C8A: variants seen among roughly 807,000 people sequenced by gnomAD.
The protein encoded by C8A is complement C8 alpha chain, also known as complement component C8 alpha chain.
In C8A, 67 loss-of-function variants were observed where a neutral mutation model predicts 65.3. That is an observed-to-expected ratio of 1.03 (90% CI 0.84 to 1.26). The LOEUF (loss-of-function observed/expected upper bound fraction) is 1.26. Ranked by LOEUF, C8A falls within the 50% of genes most tolerant of loss-of-function variation. C8A has a pLI of 0.00. For synonymous variants in C8A, 290 were observed against 259.4 expected (o/e 1.12, Z -1.13); for missense variants, 781 against 723.9 (o/e 1.08, Z -0.90).
At chr1:56,896,177 C>T (rs1191255915) in intron 7 of C8A, among the ~76,000 whole-genome samples, 2 of 152,024 alleles carry the variant, frequency 1.3e-5, no homozygotes, top group Admixed American at 6.6e-5. Context: ...ACAAACAGAA[C>T]TAATAGAATA....
At chr1:56,890,026 C>T (rs984762144) in intron 7 of C8A, among the ~76,000 whole-genome samples, 1 of 152,132 alleles carries the variant, frequency 6.6e-6, no homozygotes, top group East Asian at 1.9e-4. Flanking sequence ...TTCTTTGGAG[C>T]TGTCATTATT....
chr1:56,879,296 C>T (rs1644228723), intron 4 of C8A, among the ~76,000 whole-genome samples: 1 of 152,144 alleles, frequency 6.6e-6, no homozygotes, highest in African/African-American at 2.4e-5. Flanking sequence ...CTGCAATGAA[C>T]ATTCTTGTAC....
intron 7 of C8A, among the ~76,000 whole-genome samples, chr1:56,891,505 G>C (rs1644345034): frequency 6.6e-6 from 1 of 152,134 alleles, no homozygotes; most frequent in Non-Finnish European, 1.5e-5. Flanking sequence ...GTAGAACACA[G>C]ATTAGAGGAG....
chr1:56,907,632 G>C (rs538190773), intron 8 of C8A, among the ~76,000 whole-genome samples: 2 of 152,266 alleles, frequency 1.3e-5, no homozygotes, highest in South Asian at 4.1e-4. Context: ...TCGGCATATA[G>C]CAGGCACTGA....
Position 56,898,390 on chromosome 1 carries a change from C to T in C8A, c.1097-8277C>T, listed in dbSNP as rs186146328. ...CAGCATTTCAGTGAGCATGCACAGACCTCCAGCTCATTGTTCACCATTGGG... is the reference window on the plus strand; with the variant it reads ...CAGCATTTCAGTGAGCATGCACAGATCTCCAGCTCATTGTTCACCATTGGG... On this transcript the variant is annotated intron_variant, in intron 7 of 10. Coordinates refer to ENST00000361249, the MANE Select transcript of C8A (RefSeq NM_000562.3). 1.7e-3 allele frequency among the ~76,000 whole-genome samples: 255 copies of T among 152,230 alleles called. 1 individual carries two copies. The highest frequency in any genetic ancestry group is 3.4e-3 in the Middle Eastern group (1 of 294).
At chr1:56,858,864 C>A (rs1644002890) in intron 1 of C8A, among the ~76,000 whole-genome samples, 1 of 152,210 alleles carries the variant, frequency 6.6e-6, no homozygotes, top group African/African-American at 2.4e-5. Context: ...CCTGGCATCA[C>A]CACGTAGTGG....
At chr1:56,877,980 C>T (rs554133261) in intron 4 of C8A, among the ~76,000 whole-genome samples, 18 of 152,298 alleles carry the variant, frequency 1.2e-4, no homozygotes, top group Non-Finnish European at 2.5e-4. Context: ...TAACAAAACA[C>T]CACATCCTGA....
chr1:56,888,498 G>T (rs1644318722), intron 7 of C8A, among the ~76,000 whole-genome samples: 1 of 152,006 alleles, frequency 6.6e-6, no homozygotes, highest in South Asian at 2.1e-4. Context: ...AATGTATATG[G>T]ATCACAAGAA....
chr1:56,899,272 C>T (rs1323694250), intron 7 of C8A, among the ~76,000 whole-genome samples: 1 of 152,160 alleles, frequency 6.6e-6, no homozygotes, highest in Non-Finnish European at 1.5e-5. Flanking sequence ...AGGAGAAAAG[C>T]TGAGATGGTG....
At chr1:56,860,614 T>G (rs945194566) in intron 1 of C8A, among the ~76,000 whole-genome samples, 4 of 151,758 alleles carry the variant, frequency 2.6e-5, no homozygotes, top group Non-Finnish European at 5.9e-5. Context: ...AAAGAGAAAA[T>G]GAAGAGTTTA....
Position 56,904,172 on chromosome 1 carries a change from C to A in C8A, c.1097-2495C>A, listed in dbSNP as rs150279442. On this transcript the variant is annotated intron_variant, in intron 7 of 10. Transcript: ENST00000361249. ...TTATCTCTCTGGTTCTGCGTCCTGG[C>A]TTCCAATGCCAGTTTCAACTCCTGG... Among the ~76,000 whole-genome samples the A allele has an allele frequency of 9.2e-3, 1,408 of 152,298 alleles. 6 individuals are homozygous for A. The highest frequency in any genetic ancestry group is 0.014 in the Non-Finnish European group (977 of 68,028).
Position 56,881,459 on chromosome 1 carries a change from C to G in C8A, c.479C>G (p.Thr160Ser), listed in dbSNP as rs1346687933. ...QKAALGYNIL[T>S]QEDAQSVYDA... ...GTTCCATGTAGGTACAATATCCTGA[C>G]CCAGGAAGATGCTCAGAGTGTGTAC... is the stretch of plus-strand genomic sequence containing the variant. The change falls in exon 5 of 11, where the codon ACC becomes AGC. Residue 160 changes from threonine (T) to serine (S), a missense_variant. Thr to Ser is a moderately conservative substitution (Grantham distance 58, BLOSUM62 1). Coordinates refer to ENST00000361249, the MANE Select transcript of C8A (RefSeq NM_000562.3). 2 of 1,613,420 alleles carry G rather than the reference C, an allele frequency of 1.2e-6. No individual in the cohort carries two copies. Among genetic ancestry groups the G allele is most frequent in the Non-Finnish European group, 1.7e-6 (2 of 1,179,662 alleles).
At position 56,884,280 on chromosome 1, in the gene C8A, G is replaced by T. The variant is rs188520753; in HGVS notation, c.855+599G>T. On this transcript the variant is annotated intron_variant, in intron 6 of 10. Coordinates refer to ENST00000361249, the MANE Select transcript of C8A (RefSeq NM_000562.3). ...TCAGCATGTGCGAGGGCCTGGAGATGAGGAAGCCACACAAAAACTTGGGAT... is the reference window on the plus strand; with the variant it reads ...TCAGCATGTGCGAGGGCCTGGAGATTAGGAAGCCACACAAAAACTTGGGAT... 3.3e-5 allele frequency among the ~76,000 whole-genome samples: 5 copies of T among 152,184 alleles called. No homozygotes were observed. The East Asian group carries it at 9.7e-4, about 30-fold the overall frequency.
chr1:56,897,765 C>T (rs1174911426), intron 7 of C8A, among the ~76,000 whole-genome samples: 1 of 152,116 alleles, frequency 6.6e-6, no homozygotes. Context: ...AGGAAACAAT[C>T]TCAGGGGAAA....
rs1644435997 is a variant in C8A, at chr1:56,902,718, CTA to C, written c.1097-3948_1097-3947del. The stretch of plus-strand genomic sequence containing the variant: ...TCTATATATCTGACTATTCATATAT[CTA>C]ATATAAGTGGAATCAGGCAGTCTTT... On this transcript the variant is annotated intron_variant, in intron 7 of 10. Coordinates refer to ENST00000361249, the MANE Select transcript of C8A (RefSeq NM_000562.3). Among the ~76,000 whole-genome samples the C allele has an allele frequency of 2.6e-5, 4 of 152,238 alleles. No homozygotes were observed. The East Asian group carries it at 7.7e-4, about 29-fold the overall frequency.
At chr1:56,876,911 C>T (rs560606234) in intron 4 of C8A, among the ~76,000 whole-genome samples, 1 of 152,188 alleles carries the variant, frequency 6.6e-6, no homozygotes, top group South Asian at 2.1e-4. Context: ...ATTTTGTCTC[C>T]CCTTACCCCC....
At chr1:56,859,031 GA>G (rs1221212905) in intron 1 of C8A, among the ~76,000 whole-genome samples, 2 of 152,156 alleles carry the variant, frequency 1.3e-5, no homozygotes, top group African/African-American at 4.8e-5. Flanking sequence ...TAAGCCTTTA[GA>G]AAATTATTTT....
intron 4 of C8A, 95 bp from the exon 5 acceptor site, chr1:56,881,350 G>A (rs553599035): frequency 4.8e-5 from 58 of 1,219,994 alleles, no homozygotes; most frequent in African/African-American, 3.7e-4. Flanking sequence ...ATAGGTAAAC[G>A]TGTGCCATGG....
chr1:56,902,292 C>T (rs1644432742), intron 7 of C8A, among the ~76,000 whole-genome samples: 1 of 152,214 alleles, frequency 6.6e-6, no homozygotes, highest in Non-Finnish European at 1.5e-5. Context: ...GCCCTTGCAA[C>T]CACACAAATA....
Sources: allele counts gnomAD v4.1 joint callset (sites outside exome capture counted in the v4.1 genomes callset), GRCh38; gene constraint gnomAD v4.1.1; transcripts MANE v1.5; gene names NCBI Gene and HGNC (gene_info 2026-07-23, HGNC 2026-07-21).